Variants in NCOA1 observed in about 807,000 individuals in gnomAD.
The protein encoded by NCOA1 is Hin-2 protein.
NCOA1 carries 35 observed loss-of-function variants against 150.9 expected under a neutral mutation model. The ratio of observed to expected loss-of-function variants is 0.23; its 90% CI spans 0.18 to 0.31. The LOEUF is 0.31. Ranked by LOEUF, NCOA1 falls within the 10% of genes least tolerant of loss-of-function variation. NCOA1 has a pLI of 1.00. For synonymous variants in NCOA1, 590 were observed against 630.0 expected, an observed-to-expected ratio of 0.94 and a Z score of 0.95; for missense variants, 1,491 against 1,749.3, an observed-to-expected ratio of 0.85 and a Z score of 2.63.
chr2:24,659,741 G>A (rs1671096322), intron 5 of NCOA1, among the ~76,000 whole-genome samples: 1 of 152,152 alleles, frequency 6.6e-6, no homozygotes, highest in Non-Finnish European at 1.5e-5. Flanking sequence ...TTTCGTGTCA[G>A]ATAATTTTTT....
intron 1 of NCOA1, among the ~76,000 whole-genome samples, chr2:24,534,509 T>G (rs1665041102): frequency 6.6e-6 from 1 of 152,132 alleles, no homozygotes; most frequent in African/African-American, 2.4e-5. Flanking sequence ...ATTTGTTTGC[T>G]CTTGCTTCTC....
intron 4 of NCOA1, among the ~76,000 whole-genome samples, chr2:24,644,516 G>A (rs969604571): frequency 3.3e-5 from 5 of 151,840 alleles, no homozygotes; most frequent in Middle Eastern, 3.2e-3. Flanking sequence ...TAATATATAG[G>A]TAATTGTAGG....
At chr2:24,503,253 A>G (rs1033508479) in intron 1 of NCOA1, among the ~76,000 whole-genome samples, 16 of 152,094 alleles carry the variant, frequency 1.1e-4, no homozygotes, top group Non-Finnish European at 1.6e-4. Flanking sequence ...TTGTTCTACA[A>G]CATAAGAAGT....
At chr2:24,680,867 T>C (rs1672130835) in intron 7 of NCOA1, among the ~76,000 whole-genome samples, 1 of 152,132 alleles carries the variant, frequency 6.6e-6, no homozygotes, top group South Asian at 2.1e-4. Context: ...AACAATCATC[T>C]TAGCTGAAAA....
intron 1 of NCOA1, among the ~76,000 whole-genome samples, chr2:24,508,372 A>G (rs769470784): frequency 3.3e-5 from 5 of 152,106 alleles, no homozygotes; most frequent in African/African-American, 4.8e-5. Flanking sequence ...AGTAAAGTCT[A>G]TATATGTTGT....
At chr2:24,523,252 A>G (rs1318762959) in intron 1 of NCOA1, among the ~76,000 whole-genome samples, 1 of 152,146 alleles carries the variant, frequency 6.6e-6, no homozygotes, top group Non-Finnish European at 1.5e-5. Context: ...AAAAACTGCT[A>G]AATAGATTGT....
intron 4 of NCOA1, 74 bp from the exon 5 acceptor site, chr2:24,658,586 AG>A: frequency 9.5e-7 from 1 of 1,050,778 alleles, no homozygotes; most frequent in Non-Finnish European, 1.5e-6. Context: ...TTTCTAACAG[AG>A]GGGAGCTTCC....
intron 17 of NCOA1, among the ~76,000 whole-genome samples, chr2:24,734,671 G>A (rs775153066): frequency 6.6e-6 from 1 of 152,114 alleles, no homozygotes; most frequent in Non-Finnish European, 1.5e-5. Context: ...GCCAGGTGTG[G>A]TGATGTGCAC....
intron 7 of NCOA1, among the ~76,000 whole-genome samples, chr2:24,679,712 A>G (rs1005523424): frequency 2.0e-5 from 3 of 152,318 alleles, no homozygotes; most frequent in South Asian, 2.1e-4. Context: ...TATAAACCCA[A>G]TTTAGATATG....
rs1404110404 is a variant in NCOA1, at chr2:24,707,349, T to A, written c.1879T>A (p.Ser627Thr). 6.2e-7 allele frequency: 1 copy of A among 1,614,062 alleles called. No homozygotes were observed. The highest frequency in any genetic ancestry group is 1.3e-5 in the African/African-American group (1 of 74,916). ...ACTTTCAGATGGAGACAGTAAATAC[T>A]CTCAAACCAGTCACAAACTAGTGCA... ...DRLSDGDSKY[S>T]QTSHKLVQLL... Residue 627 changes from serine to threonine, a missense_variant, in exon 13 of 23, where the codon TCT (serine) becomes ACT (threonine). Around this residue, in one of 8 missense-constraint regions of NCOA1, gnomAD observed 703 missense variants for 717.7 expected, o/e 0.98. Transcript: ENST00000348332.
intron 10 of NCOA1, 76 bp from the exon 11 acceptor site, chr2:24,697,582 G>A: frequency 7.9e-7 from 1 of 1,258,172 alleles, no homozygotes; most frequent in Admixed American, 2.3e-5. Context: ...TTTCTTAGAT[G>A]CAGTTGTTAG....
intron 1 of NCOA1, among the ~76,000 whole-genome samples, chr2:24,522,597 C>A (rs939476373): frequency 1.3e-5 from 2 of 152,032 alleles, no homozygotes; most frequent in African/African-American, 4.8e-5. Flanking sequence ...AGGTTAGGTC[C>A]TGATTTAGCA....
chr2:24,495,989 T>C (rs999510810), intron 1 of NCOA1, among the ~76,000 whole-genome samples: 1 of 152,240 alleles, frequency 6.6e-6, no homozygotes, highest in Non-Finnish European at 1.5e-5. Context: ...TCAAATTTTT[T>C]CCTTTATTTC....
intron 3 of NCOA1, among the ~76,000 whole-genome samples, chr2:24,590,495 C>T (rs1037355252): frequency 3.9e-5 from 6 of 151,972 alleles, no homozygotes; most frequent in African/African-American, 9.7e-5. Flanking sequence ...TTTTTCAAAT[C>T]TTCTCAAAAT....
intron 1 of NCOA1, among the ~76,000 whole-genome samples, chr2:24,540,204 CA>C (rs938622576): frequency 2.0e-5 from 3 of 151,950 alleles, no homozygotes; most frequent in African/African-American, 7.3e-5. Context: ...AAAGAATCAA[CA>C]AAAAAGAACT....
intron 14 of NCOA1, among the ~76,000 whole-genome samples, chr2:24,725,619 T>A (rs1391815026): frequency 6.6e-6 from 1 of 152,068 alleles, no homozygotes; most frequent in Non-Finnish European, 1.5e-5. Flanking sequence ...ATAACAATGA[T>A]CAATTAATAT....
intron 3 of NCOA1, among the ~76,000 whole-genome samples, chr2:24,590,209 T>C (rs1667597872): frequency 6.6e-6 from 1 of 152,190 alleles, no homozygotes; most frequent in African/African-American, 2.4e-5. Context: ...AATATATGGA[T>C]GCTACTCATA....
At chr2:24,573,873 A>G (rs1172577714) in intron 2 of NCOA1, among the ~76,000 whole-genome samples, 1 of 152,014 alleles carries the variant, frequency 6.6e-6, no homozygotes, top group Non-Finnish European at 1.5e-5. Context: ...TCAGGCTAAG[A>G]CTCATACTGT....
rs146447024 is a variant in NCOA1 at position 24,715,000 on chromosome 2, A to T, written c.2599+3889A>T. Among the ~76,000 whole-genome samples the T allele has an allele frequency of 4.2e-3, 634 of 152,224 alleles. 5 individuals carry two copies. Among genetic ancestry groups the T allele is most frequent in the African/African-American group, 0.015 (615 of 41,570 alleles). On this transcript the variant is annotated intron_variant, in intron 14 of 22. Coordinates refer to ENST00000348332, the MANE Select transcript of NCOA1 (RefSeq NM_003743.5). ...TATACTTAGTATCATTCAAAATGAC[A>T]CAGAGATGAAAAAAGATAGAAAATG...
Sources: gnomAD v4.1 joint callset for allele counts (sites outside exome capture counted in the v4.1 genomes callset) on GRCh38, gnomAD v4.1.1 for gene constraint, gnomAD v4.1.1 regional missense constraint, MANE v1.5 for transcripts, NCBI Gene and HGNC (gene_info 2026-07-23, HGNC 2026-07-21) for gene names.